Variants in LANCL2 observed in about 807,000 individuals in gnomAD.
The protein encoded by LANCL2 is LanC like glutathione S-transferase 2, also known as lanC-like protein 2.
A neutral mutation model predicts 56.9 loss-of-function variants in LANCL2; 33 were observed. The observed-to-expected ratio is 0.58, with a 90% CI of 0.44 to 0.78. LANCL2 has a LOEUF of 0.78. LANCL2 is among the 30% of genes least tolerant of loss of function. The pLI is 0.00. For synonymous variants in LANCL2, 233 were observed against 228.2 expected (o/e 1.02, Z -0.19); for missense variants, 562 against 580.2 (o/e 0.97, Z 0.32).
At chr7:55,370,623 A>C (rs1358699212) in intron 1 of LANCL2, among the ~76,000 whole-genome samples, 3 of 152,246 alleles carry the variant, frequency 2.0e-5, no homozygotes, top group Non-Finnish European at 2.9e-5. Context: ...AGAAGAAAGA[A>C]GACGTGTTAA....
intron 6 of LANCL2, among the ~76,000 whole-genome samples, chr7:55,416,561 G>C (rs951828708): frequency 3.3e-5 from 5 of 152,078 alleles, no homozygotes; most frequent in African/African-American, 9.7e-5. Flanking sequence ...AATTATAGGT[G>C]TGAGCCACTG....
chr7:55,366,003 C>A lies in LANCL2; in HGVS notation c.-23C>A. The A allele has an allele frequency of 1.4e-6, 2 of 1,419,982 alleles. No homozygotes were observed. The highest frequency in any genetic ancestry group is 1.9e-6 in the Non-Finnish European group (2 of 1,080,716). 88.0% of individuals were successfully genotyped at this position (1,419,982 alleles called of 1,614,324 possible). ...GCCGGGACAGGAGGTTTGTCCCCGC[C>A]CGCGCGCCGTACCGCGGCGGAGATG... On this transcript the variant is annotated 5_prime_UTR_variant, in exon 1 of 9. Coordinates refer to ENST00000254770, the MANE Select transcript of LANCL2 (RefSeq NM_018697.4).
At chr7:55,402,722 C>T (rs1344213578) in intron 5 of LANCL2, among the ~76,000 whole-genome samples, 6 of 122,184 alleles carry the variant, frequency 4.9e-5, no homozygotes, top group Non-Finnish European at 1.1e-4. Context: ...CCCTCCCAGA[C>T]GGGGTGGCTG....
intron 1 of LANCL2, among the ~76,000 whole-genome samples, chr7:55,391,284 C>CTGG (rs1404579776): frequency 3.3e-5 from 5 of 152,114 alleles, no homozygotes; most frequent in African/African-American, 1.2e-4. Flanking sequence ...TCCCAAAGTG[C>CTGG]TGGGATTACA....
intron 1 of LANCL2, among the ~76,000 whole-genome samples, chr7:55,385,165 T>A (rs1790110653): frequency 6.6e-6 from 1 of 152,076 alleles, no homozygotes; most frequent in South Asian, 2.1e-4. Context: ...CCAGCCTGGG[T>A]GACAGGAGTG....
At chr7:55,394,301 G>C (rs1038428447) in intron 2 of LANCL2, among the ~76,000 whole-genome samples, 1 of 152,186 alleles carries the variant, frequency 6.6e-6, no homozygotes, top group African/African-American at 2.4e-5. Context: ...GCTGGGCACA[G>C]TGGCTCATAC....
At chr7:55,391,165 C>T (rs1296602526) in intron 1 of LANCL2, among the ~76,000 whole-genome samples, 4 of 150,528 alleles carry the variant, frequency 2.7e-5, no homozygotes, top group African/African-American at 4.9e-5. Flanking sequence ...TACAGGCGCC[C>T]GCCACCACGC....
At chr7:55,390,087 T>C (rs79940943) in intron 1 of LANCL2, among the ~76,000 whole-genome samples, 3,325 of 152,318 alleles carry the variant, frequency 0.022, 53 homozygotes, top group Admixed American at 0.034. Context: ...GCCCTAATTG[T>C]GCAGAAACCT....
At position 55,428,079 on chromosome 7, in the gene LANCL2, A is replaced by G. The variant is rs1187125798; in HGVS notation, c.1186-296A>G. The G allele has an allele frequency of 1.0e-4, 44 of 434,858 alleles. No homozygotes were observed. The East Asian group carries it at 1.6e-3, about 16-fold the overall frequency. The allele number at this position is 434,858 out of a possible 1,614,324, so 26.9% of individuals were successfully genotyped here. ...GAGTTGCTTCTGGAATCATCAGCTG[A>G]AGCGGCAGGAGGAAGGTGCCAGGGA... On this transcript the variant is annotated intron_variant, in intron 7 of 8. Transcript: ENST00000254770.
chr7:55,418,458 G>A (rs56380166), intron 6 of LANCL2, among the ~76,000 whole-genome samples: 23,586 of 152,200 alleles, frequency 0.15, 2,021 homozygotes, highest in Middle Eastern at 0.27. Flanking sequence ...GGGATTACAG[G>A]CTTGAGCCAC....
chr7:55,375,656 A>G (rs1789992346), intron 1 of LANCL2, among the ~76,000 whole-genome samples: 1 of 152,244 alleles, frequency 6.6e-6, no homozygotes, highest in Non-Finnish European at 1.5e-5. Flanking sequence ...CATCTTTAAA[A>G]TGAAGTCAGA....
intron 6 of LANCL2, among the ~76,000 whole-genome samples, chr7:55,422,357 C>T (rs748342169): frequency 6.6e-6 from 1 of 152,096 alleles, no homozygotes; most frequent in Non-Finnish European, 1.5e-5. Flanking sequence ...TCGTTGTCCA[C>T]CTCTGTTCTT....
chr7:55,377,640 A>G (rs993910224), intron 1 of LANCL2, among the ~76,000 whole-genome samples: 6 of 152,252 alleles, frequency 3.9e-5, no homozygotes, highest in South Asian at 2.1e-4. Context: ...GTGACACCTC[A>G]CAAGGGGTTT....
chr7:55,373,399 TC>T (rs1789967385), intron 1 of LANCL2, among the ~76,000 whole-genome samples: 1 of 152,034 alleles, frequency 6.6e-6, no homozygotes, highest in African/African-American at 2.4e-5. Flanking sequence ...CAAGAGATCC[TC>T]CCACCTCAGC....
At position 55,366,112 on chromosome 7, in the gene LANCL2, G is replaced by T; in HGVS notation, c.87G>T (p.Pro29=). 1 of 1,544,570 alleles carries T rather than the reference G, an allele frequency of 6.5e-7. No homozygotes were observed. Residue 29 remains proline (P), a synonymous_variant, in exon 1 of 9, where the codon CCG becomes CCT. Coordinates refer to ENST00000254770, the MANE Select transcript of LANCL2 (RefSeq NM_018697.4). ...AACGGGCGTTCGTCAACCCCTTCCC[G>T]GACTACGAGGCCGCCGCCGGGGCGC... is the stretch of plus-strand genomic sequence containing the variant. ...MEERAFVNPF[P]DYEAAAGALL...
chr7:55,387,356 C>T (rs528525579), intron 1 of LANCL2, among the ~76,000 whole-genome samples: 2 of 152,208 alleles, frequency 1.3e-5, no homozygotes, highest in East Asian at 3.9e-4. Flanking sequence ...CAAAAAGAAA[C>T]GTTTTAGCAC....
At chr7:55,391,357 TTGTA>T (rs1562860933) in intron 1 of LANCL2, among the ~76,000 whole-genome samples, 3 of 152,204 alleles carry the variant, frequency 2.0e-5, no homozygotes, top group Admixed American at 2.0e-4. Context: ...GTTTTTTCTT[TTGTA>T]TGAAGATGTT....
Position 55,366,210 on chromosome 7 carries a change from CT to C in LANCL2, c.189del (p.His64IlefsTer11). On this transcript the variant is annotated frameshift_variant, in exon 1 of 9. Coordinates refer to ENST00000254770, the MANE Select transcript of LANCL2 (RefSeq NM_018697.4). LOFTEE classifies it high-confidence loss of function. ...PPATTDEPGLPFHQDGKIIHN... is the reference protein window; with the variant it reads ...PPATTDEPGLXFHQDGKIIHN... ...GCGACCACGGATGAGCCCGGCCTCC[CT>C]TTTCATCAGGACGGGAAGGTGAGTC... 2 of 1,540,316 alleles carry C rather than the reference CT, an allele frequency of 1.3e-6. No individual in the cohort carries two copies. Among genetic ancestry groups the C allele is most frequent in the Admixed American group, 1.9e-5 (1 of 52,016 alleles).
At chr7:55,414,168 G>A (rs815984) in intron 6 of LANCL2, among the ~76,000 whole-genome samples, 8,286 of 152,226 alleles carry the variant, frequency 0.054, 759 homozygotes, top group African/African-American at 0.19. Flanking sequence ...GAAAATAAGT[G>A]TAGACTAAAG....
Sources: gnomAD v4.1 joint callset for allele counts (sites outside exome capture counted in the v4.1 genomes callset) on GRCh38, gnomAD v4.1.1 for gene constraint, MANE v1.5 for transcripts, NCBI Gene and HGNC (gene_info 2026-07-23, HGNC 2026-07-21) for gene names.